LSAMP: variants seen among roughly 807,000 people sequenced by gnomAD.
LSAMP encodes the protein limbic system-associated membrane protein.
A neutral mutation model predicts 38.6 loss-of-function variants in LSAMP; 7 were observed. The observed-to-expected ratio is 0.18, with a 90% CI of 0.10 to 0.34. The LOEUF is 0.34. Ranked by LOEUF, LSAMP falls within the 10% of genes least tolerant of loss-of-function variation. LSAMP has a pLI of 1.00. For missense variants in LSAMP, 313 were observed against 420.0 expected (o/e 0.75, Z 2.23); for synonymous variants, 154 against 166.8 (o/e 0.92, Z 0.59).
intron 3 of LSAMP, among the ~76,000 whole-genome samples, chr3:115,899,481 A>G (rs989100961): frequency 1.3e-5 from 2 of 152,156 alleles, no homozygotes; most frequent in Non-Finnish European, 2.9e-5. Flanking sequence ...ACTTTAAAAA[A>G]CTATTATTAT....
intron 1 of LSAMP, among the ~76,000 whole-genome samples, chr3:116,160,169 G>A (rs772449868): frequency 2.6e-5 from 4 of 152,146 alleles, no homozygotes; most frequent in Non-Finnish European, 5.9e-5. Flanking sequence ...GGAGGCCAAG[G>A]CAGGTGGATC....
chr3:116,206,666 G>A (rs1253235507), intron 1 of LSAMP, among the ~76,000 whole-genome samples: 1 of 151,754 alleles, frequency 6.6e-6, no homozygotes, highest in African/African-American at 2.4e-5. Flanking sequence ...TATGTATCCA[G>A]TAGTCATTCA....
intron 1 of LSAMP, among the ~76,000 whole-genome samples, chr3:116,270,557 G>GAAAC (rs1326494085): frequency 3.9e-5 from 6 of 152,106 alleles, no homozygotes; most frequent in Admixed American, 3.3e-4. Context: ...ATAATAAAAT[G>GAAAC]AAACATTGGT....
intron 2 of LSAMP, among the ~76,000 whole-genome samples, chr3:116,077,231 A>C (rs772809325): frequency 3.3e-4 from 50 of 151,984 alleles, no homozygotes; most frequent in Non-Finnish European, 5.7e-4. Context: ...CATTGACTAT[A>C]GCCCCTAAAC....
chr3:116,282,553 T>C (rs368978490), intron 1 of LSAMP, among the ~76,000 whole-genome samples: 5 of 152,194 alleles, frequency 3.3e-5, no homozygotes, highest in Admixed American at 3.3e-4. Context: ...ACATCTTCCA[T>C]GTCCCTTACG....
intron 1 of LSAMP, among the ~76,000 whole-genome samples, chr3:116,409,163 A>G (rs935949353): frequency 6.6e-6 from 1 of 152,036 alleles, no homozygotes; most frequent in African/African-American, 2.4e-5. Flanking sequence ...GAGACACAGT[A>G]AAAGTTTAAC....
intron 1 of LSAMP, among the ~76,000 whole-genome samples, chr3:116,324,356 C>A (rs2047742383): frequency 6.6e-6 from 1 of 152,090 alleles, no homozygotes; most frequent in African/African-American, 2.4e-5. Flanking sequence ...CTATTTCTTA[C>A]CTCCCTAAAC....
At chr3:116,436,983 A>ATATATATATGCATATATATATATGTG (rs2049359690) in intron 1 of LSAMP, among the ~76,000 whole-genome samples, 1 of 150,994 alleles carries the variant, frequency 6.6e-6, no homozygotes, top group African/African-American at 2.4e-5. Flanking sequence ...AGTGTGGCAT[A>ATATATATATGCATATATATATATGTG]TATATATATG....
chr3:116,165,717 T>G (rs1042779373), intron 1 of LSAMP, among the ~76,000 whole-genome samples: 2 of 152,176 alleles, frequency 1.3e-5, no homozygotes, highest in Non-Finnish European at 2.9e-5. Context: ...AATGGGTTAG[T>G]TTTTCTCTAC....
At chr3:116,133,686 A>G (rs1709184429) in intron 1 of LSAMP, among the ~76,000 whole-genome samples, 1 of 152,216 alleles carries the variant, frequency 6.6e-6, no homozygotes, top group African/African-American at 2.4e-5. Context: ...ATAGCTAGGC[A>G]TTATTCTAGG....
intron 1 of LSAMP, among the ~76,000 whole-genome samples, chr3:116,124,624 A>G (rs1331235341): frequency 1.3e-5 from 2 of 152,222 alleles, no homozygotes; most frequent in Non-Finnish European, 2.9e-5. Flanking sequence ...GTTTCTGGGC[A>G]GGAGAGATTT....
rs1419303172 is a variant in LSAMP at position 116,402,206 on chromosome 3, C to T, written c.155+42671G>A. Among the ~76,000 whole-genome samples the T allele has an allele frequency of 2.6e-5, 4 of 152,236 alleles. No individual in the cohort carries two copies. In the East Asian group the frequency reaches 5.8e-4, roughly 22 times the overall value. Reference sequence around the variant, plus strand: ...CGATTTCACATGTTAGGGCTAAAGACCAATTTAGGCTAATATATCTGAAGA... The same window carrying T: ...CGATTTCACATGTTAGGGCTAAAGATCAATTTAGGCTAATATATCTGAAGA... On this transcript the variant is annotated intron_variant, in intron 1 of 6. Transcript: ENST00000490035.
chr3:116,241,347 G>A (rs146898547), intron 1 of LSAMP, among the ~76,000 whole-genome samples: 57 of 152,046 alleles, frequency 3.7e-4, no homozygotes, highest in African/African-American at 1.2e-3. Context: ...CAGGCTGATC[G>A]CCTGAGGTCA....
chr3:116,013,225 G>C (rs1278138093), intron 3 of LSAMP, among the ~76,000 whole-genome samples: 1 of 152,204 alleles, frequency 6.6e-6, no homozygotes, highest in Non-Finnish European at 1.5e-5. Context: ...AGAATAGCCA[G>C]CACGTTAGGT....
In LSAMP at chr3:116,100,598, G is replaced by A. The variant is rs183081259; in HGVS notation, c.156-14042C>T. Among the ~76,000 whole-genome samples the A allele has an allele frequency of 8.5e-5, 13 of 152,146 alleles. 1 individual carries two copies. The highest frequency in any genetic ancestry group is 3.9e-4 in the Admixed American group (6 of 15,274). On this transcript the variant is annotated intron_variant, in intron 1 of 6. Transcript: ENST00000490035. Reference sequence around the variant, plus strand: ...AGCATCACTACGTAGATTTCCAACTGGTGTTTTGGTCTGCGATATTGTATC... The same window carrying A: ...AGCATCACTACGTAGATTTCCAACTAGTGTTTTGGTCTGCGATATTGTATC...
At chr3:116,100,572 C>T (rs976144491) in intron 1 of LSAMP, among the ~76,000 whole-genome samples, 1 of 152,102 alleles carries the variant, frequency 6.6e-6, no homozygotes, top group Non-Finnish European at 1.5e-5. Flanking sequence ...CATTTGTTAC[C>T]AGCATCACTA....
intron 3 of LSAMP, among the ~76,000 whole-genome samples, chr3:115,893,884 G>A (rs954446168): frequency 6.6e-6 from 1 of 151,914 alleles, no homozygotes; most frequent in East Asian, 1.9e-4. Flanking sequence ...ATAGATGACC[G>A]TGCTGGGAAT....
intron 1 of LSAMP, among the ~76,000 whole-genome samples, chr3:116,391,590 G>T (rs2048699216): frequency 6.6e-6 from 1 of 152,022 alleles, no homozygotes; most frequent in African/African-American, 2.4e-5. Flanking sequence ...CAGGGCGCGG[G>T]GGTGGCAAGG....
intron 1 of LSAMP, among the ~76,000 whole-genome samples, chr3:116,102,023 C>G (rs148304660): frequency 2.0e-5 from 3 of 152,242 alleles, no homozygotes; most frequent in Non-Finnish European, 2.9e-5. Context: ...AATTTGGTCT[C>G]ACAGAACTTT....
Sources: allele counts gnomAD v4.1 joint callset (sites outside exome capture counted in the v4.1 genomes callset), GRCh38; gene constraint gnomAD v4.1.1; transcripts MANE v1.5; gene names NCBI Gene and HGNC (gene_info 2026-07-23, HGNC 2026-07-21).